Variants in SMYD3 observed in about 807,000 individuals in gnomAD.
SMYD3 encodes the protein histone-lysine N-methyltransferase SMYD3.
Under a neutral mutation model 57.7 loss-of-function variants are expected in SMYD3, and 36 were observed. The ratio of observed to expected loss-of-function variants is 0.62; its 90% confidence interval spans 0.48 to 0.82. SMYD3 has a LOEUF of 0.82. SMYD3 is among the 40% of genes least tolerant of loss of function. The pLI, the probability that SMYD3 is intolerant of heterozygous loss-of-function variation, is 0.00. For missense variants in SMYD3, 515 were observed against 538.8 expected, an observed-to-expected ratio of 0.96 and a Z score of 0.44; for synonymous variants, 211 against 195.0, an observed-to-expected ratio of 1.08 and a Z score of -0.68.
In SMYD3 at chr1:246,207,057, C is replaced by T. The variant is rs574522562; in HGVS notation, c.531+120144G>A. ...CCAGGGAACACAATTCTATGCCAAA[C>T]GTATAAGGCAGGTTTTAGGACTTCA... On this transcript the variant is annotated intron_variant, in intron 5 of 11. Transcript: ENST00000490107. 5.3e-5 allele frequency among the ~76,000 whole-genome samples: 8 copies of T among 152,120 alleles called. No individual in the cohort carries two copies. The East Asian group carries it at 5.8e-4, about 11-fold the overall frequency.
At chr1:246,260,174 C>A (rs1770010) in intron 5 of SMYD3, among the ~76,000 whole-genome samples, 115,369 of 152,012 alleles carry the variant, frequency 0.76, 43,946 homozygotes, top group East Asian at 0.9. Context: ...CAAATGCCTG[C>A]AGACCTGCCT....
chr1:245,959,363 C>G (rs188467862), intron 5 of SMYD3, among the ~76,000 whole-genome samples: 1 of 152,320 alleles, frequency 6.6e-6, no homozygotes, highest in Admixed American at 6.5e-5. Flanking sequence ...TCAAAGTTTT[C>G]TGATGAAGAT....
chr1:245,915,618 A>G lies in SMYD3; in HGVS notation c.725T>C (p.Met242Thr), dbSNP rs769267565. Residue 242 changes from methionine to threonine, a missense_variant, in exon 8 of 12, where the codon ATG becomes ACG. Met to Thr is a moderately conservative substitution (Grantham distance 81). Coordinates refer to ENST00000490107, the MANE Select transcript of SMYD3 (RefSeq NM_001167740.2). ...CCGGCGCTCCTCACTGGTCATCAGC[A>G]TATCCAGGTAGCAGATGGTGAGCTG... is the stretch of plus-strand genomic sequence containing the variant. ...GEELTICYLD[M>T]LMTSEERRKQ... 3 of 1,613,710 alleles carry G rather than the reference A, an allele frequency of 1.9e-6. No individual in the cohort carries two copies. The highest frequency in any genetic ancestry group is 2.5e-6 in the Non-Finnish European group (3 of 1,179,634).
At chr1:246,162,093 G>C (rs2062131781) in intron 5 of SMYD3, among the ~76,000 whole-genome samples, 1 of 152,204 alleles carries the variant, frequency 6.6e-6, no homozygotes, top group Non-Finnish European at 1.5e-5. Flanking sequence ...GTTTCTTGGT[G>C]AATCTATCAG....
chr1:246,143,196 T>A (rs536972062), intron 5 of SMYD3, among the ~76,000 whole-genome samples: 1 of 151,662 alleles, frequency 6.6e-6, no homozygotes, highest in African/African-American at 2.4e-5. Flanking sequence ...ACTAACAGTG[T>A]AGAGGGTCTT....
chr1:246,507,051 C>T lies in SMYD3; in HGVS notation c.164+3G>A, dbSNP rs761196227. ...CAGGTAGGCGAGGGCGCTCCTTACGCACCCGAGAAGGCAGCGGTCGCAGAC... is the reference window on the plus strand; with the variant it reads ...CAGGTAGGCGAGGGCGCTCCTTACGTACCCGAGAAGGCAGCGGTCGCAGAC... On this transcript the variant is annotated splice_donor_region_variant and intron_variant, in intron 1 of 11. Transcript: ENST00000490107. 1 of 1,508,060 alleles carries T rather than the reference C, an allele frequency of 6.6e-7. No individual in the cohort carries two copies. Among genetic ancestry groups the T allele is most frequent in the South Asian group, 1.3e-5 (1 of 79,914 alleles). The allele number at this position is 1,508,060 out of a possible 1,614,324, so 93.4% of individuals were successfully genotyped here.
At chr1:246,204,626 T>A (rs1427381046) in intron 5 of SMYD3, among the ~76,000 whole-genome samples, 1 of 152,242 alleles carries the variant, frequency 6.6e-6, no homozygotes, top group African/African-American at 2.4e-5. Flanking sequence ...TCATGTCACA[T>A]ATATACTCTT....
chr1:245,773,090 TA>T (rs34679948), intron 10 of SMYD3, among the ~76,000 whole-genome samples: 36,793 of 86,230 alleles, frequency 0.43, 7,094 homozygotes, highest in African/African-American at 0.64. Flanking sequence ...GGAGAATCAC[TA>T]AAAAAAAAAA....
At chr1:245,949,880 C>G (rs969886619) in intron 5 of SMYD3, among the ~76,000 whole-genome samples, 1 of 128,992 alleles carries the variant, frequency 7.8e-6, no homozygotes, top group Non-Finnish European at 1.6e-5. Flanking sequence ...AAACACAGTG[C>G]CCAACCCAAA....
chr1:246,414,625 A>G (rs1414269992), intron 1 of SMYD3, among the ~76,000 whole-genome samples: 1 of 152,042 alleles, frequency 6.6e-6, no homozygotes, highest in East Asian at 1.9e-4. Flanking sequence ...ATAAATGCAC[A>G]CACACACACA....
At chr1:246,495,228 A>T (rs1051578360) in intron 1 of SMYD3, among the ~76,000 whole-genome samples, 18 of 151,522 alleles carry the variant, frequency 1.2e-4, no homozygotes, top group African/African-American at 4.1e-4. Context: ...GGGCGCCTGT[A>T]GTCCCAGCTA....
At chr1:246,088,132 T>C (rs2060751158) in intron 5 of SMYD3, among the ~76,000 whole-genome samples, 1 of 152,062 alleles carries the variant, frequency 6.6e-6, no homozygotes, top group Non-Finnish European at 1.5e-5. Flanking sequence ...GCGAGCGCCA[T>C]GCACTTATGA....
intron 11 of SMYD3, among the ~76,000 whole-genome samples, chr1:245,757,795 T>C (rs919386573): frequency 3.9e-5 from 6 of 152,308 alleles, no homozygotes; most frequent in Admixed American, 6.5e-5. Flanking sequence ...TGTCCATCTA[T>C]TCCAGTATCA....
intron 1 of SMYD3, chr1:246,425,934 A>T (rs934483227): frequency 1.3e-5 from 2 of 152,116 alleles, no homozygotes; most frequent in African/African-American, 2.4e-5. Flanking sequence ...TTAAAGTTTA[A>T]TTGCTGAGTA....
At chr1:246,347,375 G>C (rs2065740106) in intron 2 of SMYD3, among the ~76,000 whole-genome samples, 1 of 152,090 alleles carries the variant, frequency 6.6e-6, no homozygotes, top group Non-Finnish European at 1.5e-5. Context: ...TCTATACTTA[G>C]GCATGTCATT....
At chr1:246,244,964 A>C (rs78155299) in intron 5 of SMYD3, among the ~76,000 whole-genome samples, 2,101 of 152,236 alleles carry the variant, frequency 0.014, 44 homozygotes, top group African/African-American at 0.047. Flanking sequence ...AATTTTCTTT[A>C]ATTCTGCTAT....
intron 3 of SMYD3, 55 bp from the exon 4 acceptor site, chr1:246,330,592 A>G (rs2065443557): frequency 6.8e-7 from 1 of 1,480,236 alleles, no homozygotes; most frequent in Admixed American, 2.2e-5. Flanking sequence ...CCAATATATA[A>G]ACAAATAAGT....
At chr1:246,122,538 A>G (rs1445081810) in intron 5 of SMYD3, among the ~76,000 whole-genome samples, 2 of 152,230 alleles carry the variant, frequency 1.3e-5, no homozygotes, top group East Asian at 1.9e-4. Flanking sequence ...TCTGTCATGT[A>G]TTTCAAAAAT....
intron 5 of SMYD3, chr1:246,110,033 G>A (rs2061205130): frequency 6.6e-6 from 1 of 152,246 alleles, no homozygotes; most frequent in African/African-American, 2.4e-5. Flanking sequence ...AGTCACAACA[G>A]ATAATGTCTC....
Sources: allele counts gnomAD v4.1 joint callset (sites outside exome capture counted in the v4.1 genomes callset), GRCh38; gene constraint gnomAD v4.1.1; transcripts MANE v1.5; gene names NCBI Gene and HGNC (gene_info 2026-07-23, HGNC 2026-07-21).